Variants in THSD4 observed in about 807,000 individuals in gnomAD.
THSD4 encodes thrombospondin type-1 domain-containing protein 4.
A neutral mutation model predicts 119.0 loss-of-function variants in THSD4; 69 were observed. The ratio of observed to expected loss-of-function variants is 0.58; its 90% CI spans 0.48 to 0.71. The LOEUF (loss-of-function observed/expected upper bound fraction) is 0.71, where lower values mean the gene tolerates loss of function less well. Among genes scored for constraint, THSD4 ranks in the 30% least tolerant of loss-of-function variants. The pLI is 0.00. For missense variants in THSD4, 1,393 were observed against 1,391.1 expected (o/e 1.00, Z -0.02); for synonymous variants, 524 against 540.4 (o/e 0.97, Z 0.42).
intron 6 of THSD4, among the ~76,000 whole-genome samples, chr15:71,345,881 C>T (rs1596354270): frequency 6.6e-6 from 1 of 151,070 alleles, no homozygotes; most frequent in Non-Finnish European, 1.5e-5. Context: ...CTTTTGTTTT[C>T]GGACTTACTT....
chr15:71,704,206 T>A (rs986530003), intron 8 of THSD4, among the ~76,000 whole-genome samples: 7 of 152,182 alleles, frequency 4.6e-5, no homozygotes, highest in African/African-American at 1.7e-4. Context: ...AAGAAACCAG[T>A]TTTCTTAGAG....
chr15:71,698,408 G>T (rs1240871392), intron 8 of THSD4, among the ~76,000 whole-genome samples: 1 of 151,904 alleles, frequency 6.6e-6, no homozygotes, highest in Non-Finnish European at 1.5e-5. Flanking sequence ...CAGCCACTAT[G>T]AAAAACAGTA....
At chr15:71,506,704 A>ACGG (rs2048195303) in intron 7 of THSD4, among the ~76,000 whole-genome samples, 1 of 135,082 alleles carries the variant, frequency 7.4e-6, no homozygotes, top group Non-Finnish European at 1.5e-5. Context: ...TCCACCACTT[A>ACGG]CGGCGGCCTG....
intron 3 of THSD4, among the ~76,000 whole-genome samples, chr15:71,169,964 A>C (rs568525244): frequency 3.9e-5 from 6 of 152,160 alleles, no homozygotes; most frequent in African/African-American, 1.4e-4. Flanking sequence ...ACCTGAGGTC[A>C]GGAGTTCAAG....
At chr15:71,369,180 G>T (rs1160260274) in intron 6 of THSD4, among the ~76,000 whole-genome samples, 4 of 152,112 alleles carry the variant, frequency 2.6e-5, no homozygotes, top group African/African-American at 9.7e-5. Context: ...GGAGATTTTG[G>T]GCTGTGACAA....
At chr15:71,199,460 GGT>G (rs2043749331) in intron 3 of THSD4, among the ~76,000 whole-genome samples, 4 of 138,176 alleles carry the variant, frequency 2.9e-5, no homozygotes, top group African/African-American at 1.1e-4. Flanking sequence ...TGTGGGGGGG[GGT>G]GTGTGTGTGT....
chr15:71,288,051 T>C (rs1271520645), intron 6 of THSD4, among the ~76,000 whole-genome samples: 1 of 152,166 alleles, frequency 6.6e-6, no homozygotes, highest in Non-Finnish European at 1.5e-5. Flanking sequence ...CTGGGTGATA[T>C]TTTATACTGC....
chr15:71,568,573 TTTTTTTTTG>T lies in THSD4; in HGVS notation c.1153-91950_1153-91942del, dbSNP rs1431415203. ...ATACTCTTACCTCTTTTTCTCTTTT[TTTTTTTTTG>T]TTTTTTGTTTTTCTTTTTTTAATTA... On this transcript the variant is annotated intron_variant, in intron 7 of 17. Transcript: ENST00000261862. 9.0e-5 allele frequency among the ~76,000 whole-genome samples: 13 copies of T among 144,050 alleles called. No homozygotes were observed. The East Asian group carries it at 2.7e-3, about 30-fold the overall frequency. The allele number at this position is 144,050 out of a possible 152,430, so 94.5% of individuals were successfully genotyped here.
intron 2 of THSD4, among the ~76,000 whole-genome samples, chr15:71,144,693 G>T (rs2040639484): frequency 6.6e-6 from 1 of 152,126 alleles, no homozygotes. Flanking sequence ...AGACAGAGAA[G>T]CCTTGGGCAT....
At chr15:71,535,534 G>A (rs2048677898) in intron 7 of THSD4, among the ~76,000 whole-genome samples, 1 of 152,052 alleles carries the variant, frequency 6.6e-6, no homozygotes. Flanking sequence ...TTAACTTTTT[G>A]ATACAGCTGC....
At chr15:71,211,450 A>C (rs1674463328) in intron 3 of THSD4, among the ~76,000 whole-genome samples, 1 of 152,028 alleles carries the variant, frequency 6.6e-6, no homozygotes, top group Non-Finnish European at 1.5e-5. Flanking sequence ...AGTGGGGCTA[A>C]GAGAGAGAGG....
At chr15:71,662,062 A>G (rs2051320109) in intron 8 of THSD4, among the ~76,000 whole-genome samples, 1 of 152,192 alleles carries the variant, frequency 6.6e-6, no homozygotes. Context: ...GATGATACCC[A>G]TGGGCAGTCT....
At chr15:71,388,558 C>G (rs1379773283) in intron 6 of THSD4, among the ~76,000 whole-genome samples, 1 of 152,062 alleles carries the variant, frequency 6.6e-6, no homozygotes, top group Non-Finnish European at 1.5e-5. Flanking sequence ...AAGCCAGTCC[C>G]TATAGGACAG....
intron 6 of THSD4, among the ~76,000 whole-genome samples, chr15:71,271,569 A>G (rs1324388255): frequency 3.3e-5 from 5 of 152,258 alleles, no homozygotes; most frequent in African/African-American, 1.2e-4. Context: ...GGGTGTATAC[A>G]GTTATCAAAA....
chr15:71,362,018 C>G (rs1018329613), intron 6 of THSD4, among the ~76,000 whole-genome samples: 2 of 152,208 alleles, frequency 1.3e-5, no homozygotes, highest in Non-Finnish European at 2.9e-5. Context: ...TGGCTAATGC[C>G]TATAATCCCA....
At chr15:71,259,255 A>G (rs2140291932) in intron 6 of THSD4, among the ~76,000 whole-genome samples, 1 of 152,272 alleles carries the variant, frequency 6.6e-6, no homozygotes, top group East Asian at 1.9e-4. Flanking sequence ...ACCAAGAGCT[A>G]GGCAGAGACA....
intron 3 of THSD4, among the ~76,000 whole-genome samples, chr15:71,193,778 G>C (rs527999050): frequency 3.3e-5 from 5 of 152,118 alleles, no homozygotes; most frequent in African/African-American, 1.2e-4. Context: ...CGTGATCTCG[G>C]CTCTCTGCAA....
intron 7 of THSD4, among the ~76,000 whole-genome samples, chr15:71,508,212 G>C (rs1176681311): frequency 1.3e-5 from 2 of 152,102 alleles, no homozygotes; most frequent in African/African-American, 4.8e-5. Flanking sequence ...CTACCTACTG[G>C]AGTCTCAGGG....
intron 3 of THSD4, among the ~76,000 whole-genome samples, chr15:71,210,959 C>G (rs2043883985): frequency 6.6e-6 from 1 of 151,808 alleles, no homozygotes; most frequent in African/African-American, 2.4e-5. Flanking sequence ...ATATATATAA[C>G]TTTATATAGT....
Sources: gnomAD v4.1 joint callset for allele counts (sites outside exome capture counted in the v4.1 genomes callset) on GRCh38, gnomAD v4.1.1 for gene constraint, MANE v1.5 for transcripts, NCBI Gene and HGNC (gene_info 2026-07-23, HGNC 2026-07-21) for gene names.